The following FBXL7 variants were observed in gnomAD, a reference collection of about 807,000 sequenced individuals.
The protein encoded by FBXL7 is F-box/LRR-repeat protein 7.
A neutral mutation model predicts 38.3 loss-of-function variants in FBXL7; 12 were observed. That is an observed-to-expected ratio of 0.31 (90% CI 0.20 to 0.51). The LOEUF (loss-of-function observed/expected upper bound fraction) is 0.51, where lower values mean the gene tolerates loss of function less well. Ranked by LOEUF, FBXL7 falls within the 20% of genes least tolerant of loss-of-function variation. FBXL7 has a pLI of 0.98. For synonymous variants in FBXL7, 297 were observed against 300.9 expected, an observed-to-expected ratio of 0.99 and a Z score of 0.13; for missense variants, 567 against 676.4, an observed-to-expected ratio of 0.84 and a Z score of 1.79.
At chr5:15,810,347 G>A (rs1264368215) in intron 2 of FBXL7, among the ~76,000 whole-genome samples, 2 of 151,982 alleles carry the variant, frequency 1.3e-5, no homozygotes, top group African/African-American at 4.8e-5. Flanking sequence ...GATCACTTGA[G>A]GTCAAGGGTT....
At chr5:15,673,009 C>T (rs1010833202) in intron 2 of FBXL7, among the ~76,000 whole-genome samples, 6 of 151,928 alleles carry the variant, frequency 3.9e-5, no homozygotes, top group African/African-American at 1.2e-4. Flanking sequence ...AACGGTATTC[C>T]GTGGAGTTTC....
intron 2 of FBXL7, among the ~76,000 whole-genome samples, chr5:15,704,983 A>G (rs995330296): frequency 2.0e-5 from 3 of 150,432 alleles, no homozygotes; most frequent in African/African-American, 7.3e-5. Flanking sequence ...AAAAAAAATT[A>G]AATATATATA....
At chr5:15,554,023 A>C (rs1379074372) in intron 1 of FBXL7, among the ~76,000 whole-genome samples, 1 of 152,160 alleles carries the variant, frequency 6.6e-6, no homozygotes, top group Non-Finnish European at 1.5e-5. Flanking sequence ...AAGTGCAGAA[A>C]AGTTATCGTC....
intron 2 of FBXL7, among the ~76,000 whole-genome samples, chr5:15,883,356 T>G (rs1386329172): frequency 6.6e-6 from 1 of 152,188 alleles, no homozygotes; most frequent in African/African-American, 2.4e-5. Flanking sequence ...TACTACCATT[T>G]TGCCCCATTC....
intron 2 of FBXL7, among the ~76,000 whole-genome samples, chr5:15,851,884 A>G (rs1739107246): frequency 6.6e-6 from 1 of 151,798 alleles, no homozygotes; most frequent in South Asian, 2.1e-4. Context: ...TAATATATAT[A>G]TTTCCTATAT....
chr5:15,535,558 CTGTGGAACTT>C (rs1426040662), intron 1 of FBXL7, among the ~76,000 whole-genome samples: 2 of 152,202 alleles, frequency 1.3e-5, no homozygotes, highest in African/African-American at 4.8e-5. Flanking sequence ...CGCTAGAGAT[CTGTGGAACTT>C]TGAGCTTGAG....
intron 2 of FBXL7, among the ~76,000 whole-genome samples, chr5:15,786,722 ATTAC>A (rs1271497075): frequency 6.6e-6 from 1 of 152,240 alleles, no homozygotes; most frequent in Admixed American, 6.5e-5. Context: ...AAAAAAATTA[ATTAC>A]TTAGTATGTA....
At chr5:15,555,222 A>AC (rs915667137) in intron 1 of FBXL7, among the ~76,000 whole-genome samples, 17 of 151,982 alleles carry the variant, frequency 1.1e-4, no homozygotes, top group South Asian at 8.3e-4. Flanking sequence ...AGACACACAC[A>AC]CCCCCCACAG....
At chr5:15,807,683 C>CT (rs34248054) in intron 2 of FBXL7, among the ~76,000 whole-genome samples, 84,531 of 148,462 alleles carry the variant, frequency 0.57, 24,250 homozygotes, top group Non-Finnish European at 0.64. Flanking sequence ...TTTTTCTTTT[C>CT]TTTTTTTTTT....
intron 2 of FBXL7, among the ~76,000 whole-genome samples, chr5:15,886,664 C>T (rs1456116445): frequency 6.6e-6 from 1 of 152,134 alleles, no homozygotes; most frequent in Non-Finnish European, 1.5e-5. Flanking sequence ...GCTTTTCACC[C>T]TATAAACCAA....
intron 2 of FBXL7, among the ~76,000 whole-genome samples, chr5:15,853,952 T>G (rs1199091847): frequency 6.6e-6 from 1 of 152,222 alleles, no homozygotes; most frequent in African/African-American, 2.4e-5. Context: ...TGCAAGTCTC[T>G]TAATGAACAG....
In FBXL7 at chr5:15,547,623, C is replaced by T. The variant is rs114491888; in HGVS notation, c.37+46910C>T. ...AATAGAGTCTCATCTGCACACACTC[C>T]ACTTCCACTGCTGCTCAGGGACCTT... On this transcript the variant is annotated intron_variant, in intron 1 of 3. Coordinates refer to ENST00000504595, the MANE Select transcript of FBXL7 (RefSeq NM_012304.5). 2.2e-3 allele frequency among the ~76,000 whole-genome samples: 342 copies of T among 152,310 alleles called. 2 individuals carry two copies. The highest frequency in any genetic ancestry group is 7.3e-3 in the African/African-American group (305 of 41,564).
Position 15,936,873 on chromosome 5 carries a change from G to A in FBXL7, c.1163G>A (p.Gly388Asp), listed in dbSNP as rs1465105745. 7.4e-6 allele frequency: 12 copies of A among 1,613,824 alleles called. No individual in the cohort carries two copies. The highest frequency in any genetic ancestry group is 1.0e-5 in the Non-Finnish European group (12 of 1,179,864). ...LRYLNARGCEGITDHGVEYLA... is the reference protein window; with the variant it reads ...LRYLNARGCEDITDHGVEYLA... ...TACCTCAACGCGAGGGGCTGCGAGG[G>A]CATCACGGACCACGGTGTGGAGTAC... is the stretch of plus-strand genomic sequence containing the variant. The change falls in exon 4 of 4, where the codon GGC (glycine) becomes GAC (aspartate). Residue 388 changes from glycine to aspartate, a missense_variant. Physicochemically the swap from Gly to Asp is moderately conservative, Grantham distance 94. Transcript: ENST00000504595. This position sits in a 1 kb window ranked among gnomAD's most constrained non-coding sequence, Gnocchi z 6.0.
intron 2 of FBXL7, among the ~76,000 whole-genome samples, chr5:15,755,889 G>A (rs954674387): frequency 6.6e-6 from 1 of 152,194 alleles, no homozygotes; most frequent in Non-Finnish European, 1.5e-5. Context: ...ATACTTGTGT[G>A]TATTGCATCA....
Position 15,607,505 on chromosome 5 carries a change from AAAGAG to A in FBXL7, c.38-8473_38-8469del, listed in dbSNP as rs770964546. 9.9e-5 allele frequency among the ~76,000 whole-genome samples: 15 copies of A among 152,182 alleles called. 1 individual carries two copies. The highest frequency in any genetic ancestry group is 4.1e-4 in the South Asian group (2 of 4,834). On this transcript the variant is annotated intron_variant, in intron 1 of 3. Transcript: ENST00000504595. ...ACTGTCTTGAGCACTAGAAATGAGA[AAAGAG>A]AAGAAACTTAGTTTTGCATAGTACC...
intron 1 of FBXL7, among the ~76,000 whole-genome samples, chr5:15,544,432 CATT>C (rs376432290): frequency 3.3e-4 from 51 of 152,270 alleles, no homozygotes; most frequent in African/African-American, 1.1e-3. Flanking sequence ...TTTTAAGAAT[CATT>C]ATTTCATATG....
intron 2 of FBXL7, among the ~76,000 whole-genome samples, chr5:15,691,821 T>G (rs866443192): frequency 1.3e-5 from 2 of 152,100 alleles, no homozygotes; most frequent in Non-Finnish European, 2.9e-5. Flanking sequence ...TGAAGTCGAC[T>G]GAGAAAAGGG....
chr5:15,920,373 G>A (rs919804411), intron 2 of FBXL7, among the ~76,000 whole-genome samples: 1 of 152,144 alleles, frequency 6.6e-6, no homozygotes, highest in Non-Finnish European at 1.5e-5. Flanking sequence ...ATAAACAAAC[G>A]GTCTCTTTTG....
rs1257800347 is a variant in FBXL7 at position 15,516,833 on chromosome 5, A to G, written c.37+16120A>G. Among the ~76,000 whole-genome samples, 4 of 151,960 alleles carry G rather than the reference A, an allele frequency of 2.6e-5. No homozygotes were observed. In the South Asian group the frequency reaches 6.3e-4, roughly 24 times the overall value. ...CATTTCTCCTTGCTGCTGCCATGTG[A>G]GGAAGGACGCATTTGCTTCCCCTTC... On this transcript the variant is annotated intron_variant, in intron 1 of 3. Coordinates refer to ENST00000504595, the MANE Select transcript of FBXL7 (RefSeq NM_012304.5).
Sources: allele counts gnomAD v4.1 joint callset (sites outside exome capture counted in the v4.1 genomes callset), GRCh38; gene constraint gnomAD v4.1.1; non-coding constraint Gnocchi (gnomAD v3.1); transcripts MANE v1.5; gene names NCBI Gene and HGNC (gene_info 2026-07-23, HGNC 2026-07-21).